P4HA3: variants seen among roughly 807,000 people sequenced by gnomAD.
P4HA3 encodes the protein prolyl 4-hydroxylase subunit alpha 3, also known as prolyl 4-hydroxylase subunit alpha-3.
In P4HA3, 60 loss-of-function variants were observed where a neutral mutation model predicts 66.7. The observed-to-expected ratio is 0.90, with a 90% CI of 0.73 to 1.12. The LOEUF (loss-of-function observed/expected upper bound fraction) is 1.12, where lower values mean the gene tolerates loss of function less well. Ranked by LOEUF, P4HA3 falls within the 50% of genes most tolerant of loss-of-function variation. The probability of loss-of-function intolerance (pLI) is 0.00; values close to 1 mark genes in which losing one functional copy is unlikely to be tolerated. For synonymous variants in P4HA3, 263 were observed against 274.6 expected (o/e 0.96, Z 0.42); for missense variants, 683 against 685.8 (o/e 1.00, Z 0.05).
downstream of P4HA3, among the ~76,000 whole-genome samples, chr11:74,265,201 G>A (rs1327096487): frequency 1.3e-5 from 2 of 152,198 alleles, no homozygotes; most frequent in African/African-American, 4.8e-5. Flanking sequence ...AGCCTCCCCT[G>A]CAGACAGTCG....
intron 15 of P4HA3, chr11:74,259,919 A>G (rs1859881997): frequency 6.6e-6 from 1 of 152,230 alleles, no homozygotes; most frequent in African/African-American, 2.4e-5. Context: ...TTTCAGATAC[A>G]TACCTGGGAG....
intron 3 of P4HA3, 144 bp from the exon 4 acceptor site, chr11:74,298,505 C>G (rs1384514351): frequency 1.0e-6 from 1 of 975,556 alleles, no homozygotes; most frequent in African/African-American, 1.6e-5. Context: ...TATTAAGCAT[C>G]TACTATATAC....
At chr11:74,301,969 T>C (rs1591134527) in intron 3 of P4HA3, among the ~76,000 whole-genome samples, 1 of 152,164 alleles carries the variant, frequency 6.6e-6, no homozygotes, top group African/African-American at 2.4e-5. Flanking sequence ...CTGCTTTCCC[T>C]TTCTACCCAG....
intron 15 of P4HA3, among the ~76,000 whole-genome samples, chr11:74,259,153 C>T (rs186609260): frequency 0.012 from 1,786 of 152,318 alleles, 13 homozygotes; most frequent in Non-Finnish European, 0.018. Flanking sequence ...AATCCCAGCA[C>T]TTTGGGAAGC....
At position 74,273,612 on chromosome 11, in the gene P4HA3, GA is replaced by G. The variant is rs747947907; in HGVS notation, c.1336-6del. 3.4e-3 allele frequency: 4,237 copies of G among 1,248,024 alleles called. No individual in the cohort carries two copies. The highest frequency in any genetic ancestry group is 9.9e-3 in the South Asian group (607 of 61,554). 77.3% of individuals were successfully genotyped at this position (1,248,024 alleles called of 1,614,324 possible). A position where few individuals can be genotyped will look rare whatever the true frequency, so the allele number is the denominator to read the frequency against. On this transcript the variant is annotated splice_region_variant and splice_polypyrimidine_tract_variant and intron_variant, in intron 9 of 12. Transcript: ENST00000331597. ...GTAGAGGGGGCTGCTTGGTGACTGAGAAAAAAAAAAACAGAACATATTATTT... is the reference window on the plus strand; with the variant it reads ...GTAGAGGGGGCTGCTTGGTGACTGAGAAAAAAAAAACAGAACATATTATTT...
intron 4 of P4HA3, among the ~76,000 whole-genome samples, chr11:74,296,329 T>A (rs1180312029): frequency 6.6e-6 from 1 of 152,226 alleles, no homozygotes; most frequent in African/African-American, 2.4e-5. Context: ...ACCACTGTAC[T>A]CTACCATCTC....
At chr11:74,294,635 CTT>C (rs1861151725) in intron 4 of P4HA3, among the ~76,000 whole-genome samples, 2 of 152,114 alleles carry the variant, frequency 1.3e-5, no homozygotes, top group African/African-American at 4.8e-5. Context: ...TGTGGATGTC[CTT>C]TCTGTTTGTT....
At chr11:74,263,921 GAGAA>G (rs1041728343), downstream of P4HA3, among the ~76,000 whole-genome samples, 1 of 152,012 alleles carries the variant, frequency 6.6e-6, no homozygotes, top group Non-Finnish European at 1.5e-5. Flanking sequence ...TTAGGAGTTC[GAGAA>G]AGAAAGAAAC....
At chr11:74,308,423 C>T (rs1298910727) in intron 1 of P4HA3, among the ~76,000 whole-genome samples, 1 of 152,088 alleles carries the variant, frequency 6.6e-6, no homozygotes, top group African/African-American at 2.4e-5. Context: ...ACCCGTAGTC[C>T]TAGTTACTTG....
intron 4 of P4HA3, among the ~76,000 whole-genome samples, chr11:74,289,676 A>G (rs531292059): frequency 7.2e-6 from 1 of 138,096 alleles, no homozygotes; most frequent in Non-Finnish European, 1.5e-5. Context: ...ATTCCCACCT[A>G]TGAGTGAGAA....
intron 7 of P4HA3, among the ~76,000 whole-genome samples, chr11:74,284,072 G>A (rs1242774210): frequency 3.3e-5 from 5 of 152,234 alleles, no homozygotes; most frequent in African/African-American, 1.2e-4. Flanking sequence ...AATGACTAAT[G>A]GCTGCCTGGA....
chr11:74,265,059 A>G (rs1191153014), downstream of P4HA3, among the ~76,000 whole-genome samples: 1 of 152,200 alleles, frequency 6.6e-6, no homozygotes. Context: ...GGATAACTGT[A>G]TTGACCTCAA....
At chr11:74,278,050 C>T (rs528991478) in intron 8 of P4HA3, among the ~76,000 whole-genome samples, 40 of 152,212 alleles carry the variant, frequency 2.6e-4, no homozygotes, top group African/African-American at 9.6e-4. Flanking sequence ...GGGGAAAGGA[C>T]AAACACAAAT....
chr11:74,310,139 C>T (rs1208646961), intron 1 of P4HA3, among the ~76,000 whole-genome samples: 2 of 152,222 alleles, frequency 1.3e-5, no homozygotes, highest in Non-Finnish European at 2.9e-5. Flanking sequence ...CAAATAGTGA[C>T]GTGGTCATAA....
chr11:74,259,735 C>T (rs1859879822), intron 15 of P4HA3: 1 of 152,218 alleles, frequency 6.6e-6, no homozygotes, highest in South Asian at 2.1e-4. Context: ...CAAGTCCATC[C>T]ATGTTGTAGT....
chr11:74,251,861 C>T, intron 15 of P4HA3: 3 of 1,014,632 alleles, frequency 3.0e-6, no homozygotes, highest in Non-Finnish European at 3.1e-6. Flanking sequence ...AAGAGCCTGG[C>T]ATGTCTGTTT....
chr11:74,251,161 C>G, intron 15 of P4HA3: 1 of 1,473,284 alleles, frequency 6.8e-7, no homozygotes, highest in Non-Finnish European at 9.0e-7. Flanking sequence ...ACCAGCTCTC[C>G]AACTTCTCCC....
chr11:74,251,208 G>A (rs1420981226), intron 15 of P4HA3: 2 of 1,422,364 alleles, frequency 1.4e-6, no homozygotes, highest in East Asian at 5.1e-5. Context: ...GTGTATATGT[G>A]CTGAGGAGCT....
intron 3 of P4HA3, among the ~76,000 whole-genome samples, chr11:74,301,210 T>C (rs111388842): frequency 4.6e-5 from 7 of 152,254 alleles, no homozygotes; most frequent in African/African-American, 1.4e-4. Flanking sequence ...ATAATAGATA[T>C]AATTGCTTGT....
Sources: gnomAD v4.1 joint callset for allele counts (sites outside exome capture counted in the v4.1 genomes callset) on GRCh38, gnomAD v4.1.1 for gene constraint, MANE v1.5 for transcripts, NCBI Gene and HGNC (gene_info 2026-07-23, HGNC 2026-07-21) for gene names.